The following RPN2 variants were observed in gnomAD, a reference collection of about 807,000 sequenced individuals.
RPN2 encodes the protein ribophorin II, also known as dolichyl-diphosphooligosaccharide--protein glycosyltransferase subunit 2.
RPN2 carries 29 observed loss-of-function variants against 71.4 expected under a neutral mutation model. The ratio of observed to expected loss-of-function variants is 0.41; its 90% CI spans 0.30 to 0.55. The LOEUF (loss-of-function observed/expected upper bound fraction) is 0.55. Ranked by LOEUF, RPN2 falls within the 20% of genes least tolerant of loss-of-function variation. RPN2 has a pLI of 0.35. For synonymous variants in RPN2, 308 were observed against 305.0 expected, an observed-to-expected ratio of 1.01 and a Z score of -0.10; for missense variants, 726 against 774.1, an observed-to-expected ratio of 0.94 and a Z score of 0.74.
chr20:37,232,290 C>G lies in RPN2; in HGVS notation c.1582-6C>G, dbSNP rs376939930. On this transcript the variant is annotated splice_polypyrimidine_tract_variant and splice_region_variant and intron_variant, in intron 13 of 16. Coordinates refer to ENST00000237530, the MANE Select transcript of RPN2 (RefSeq NM_002951.5). ...TCTTAAGTCTTCTTGGTGTGTCTTT[C>G]GGCAGCACCTGTTCCGCGAGCCTGA... 6.1e-5 allele frequency: 98 copies of G among 1,614,196 alleles called. 3 individuals are homozygous for G. In the East Asian group the frequency reaches 6.2e-4, roughly 10 times the overall value.
chr20:37,207,810 T>G (rs1012380369), intron 7 of RPN2, among the ~76,000 whole-genome samples: 3 of 152,104 alleles, frequency 2.0e-5, no homozygotes, highest in Admixed American at 1.3e-4. Context: ...GTCTCCCAAG[T>G]AGCTGGGATC....
chr20:37,212,528 T>C (rs2067699293), intron 8 of RPN2, among the ~76,000 whole-genome samples: 1 of 151,924 alleles, frequency 6.6e-6, no homozygotes, highest in Non-Finnish European at 1.5e-5. Context: ...TTGCCTGGGC[T>C]GGAATGCAGT....
At chr20:37,238,449 G>T in intron 16 of RPN2, 1 of 1,603,628 alleles carries the variant, frequency 6.2e-7, no homozygotes, top group East Asian at 2.2e-5. Context: ...AGGACACTAC[G>T]GTAAAGATGA....
At chr20:37,217,467 A>G (rs1340241450) in intron 9 of RPN2, among the ~76,000 whole-genome samples, 1 of 150,608 alleles carries the variant, frequency 6.6e-6, no homozygotes, top group Non-Finnish European at 1.5e-5. Flanking sequence ...TAATTTTTGT[A>G]TATTTAGTAG....
intron 2 of RPN2, among the ~76,000 whole-genome samples, chr20:37,195,960 G>A (rs2067247465): frequency 1.3e-5 from 2 of 152,076 alleles, no homozygotes; most frequent in South Asian, 4.1e-4. Context: ...GGAGTAGCAT[G>A]TACACACAGT....
intron 16 of RPN2, among the ~76,000 whole-genome samples, 180 bp from the exon 17 acceptor site, chr20:37,241,123 A>G (rs1379970998): frequency 6.6e-6 from 1 of 152,220 alleles, no homozygotes; most frequent in Non-Finnish European, 1.5e-5. Context: ...GCTGTCTCAC[A>G]TTCTTTTGTA....
intron 2 of RPN2, among the ~76,000 whole-genome samples, chr20:37,184,665 G>T (rs2066966613): frequency 6.6e-6 from 1 of 152,250 alleles, no homozygotes; most frequent in Non-Finnish European, 1.5e-5. Flanking sequence ...GGTGGTGCAT[G>T]CCTGTAATCC....
In RPN2 at chr20:37,213,737, A is replaced by G. The variant is rs370908668; in HGVS notation, c.987-23A>G. ...TGACTTTCCTACCTGAGTTCTTGCT[A>G]AGCCCATTGTCATTCTTAACAGGGA... On this transcript the variant is annotated intron_variant, in intron 8 of 16. Coordinates refer to ENST00000237530, the MANE Select transcript of RPN2 (RefSeq NM_002951.5). 5.1e-6 allele frequency: 8 copies of G among 1,559,398 alleles called. No individual in the cohort carries two copies. The African/African-American group carries it at 1.1e-4, about 21-fold the overall frequency.
At chr20:37,211,697 A>G (rs548293608) in intron 8 of RPN2, among the ~76,000 whole-genome samples, 17 of 151,678 alleles carry the variant, frequency 1.1e-4, no homozygotes, top group East Asian at 2.0e-4. Context: ...ATGTGCCACA[A>G]ACTTTTTTTT....
chr20:37,207,210 G>A, intron 6 of RPN2, 63 bp from the exon 7 acceptor site: 1 of 1,337,316 alleles, frequency 7.5e-7, no homozygotes, highest in Non-Finnish European at 1.1e-6. Flanking sequence ...TTCCTCTACA[G>A]CAGTGGCCCT....
chr20:37,203,992 C>T lies in RPN2; in HGVS notation c.555+32C>T, dbSNP rs993143679. 7 of 1,506,028 alleles carry T rather than the reference C, an allele frequency of 4.6e-6. No individual in the cohort carries two copies. The African/African-American group carries it at 9.6e-5, about 21-fold the overall frequency. The allele number at this position is 1,506,028 out of a possible 1,614,324, so 93.3% of individuals were successfully genotyped here. A position where few individuals can be genotyped will look rare whatever the true frequency, so the allele number is the denominator to read the frequency against. ...ATCTTTTGCCAAATGCATCTCCCAG[C>T]TCCTGTCTTTGACACTCTGCAGAAG... On this transcript the variant is annotated intron_variant, in intron 5 of 16. Transcript: ENST00000237530.
chr20:37,224,561 A>G (rs1236347043), intron 10 of RPN2, among the ~76,000 whole-genome samples: 4 of 152,194 alleles, frequency 2.6e-5, no homozygotes, highest in African/African-American at 7.2e-5. Flanking sequence ...CTCCCACTGA[A>G]CTCAGACACA....
At chr20:37,234,484 C>CT (rs1195990728) in intron 15 of RPN2, among the ~76,000 whole-genome samples, 1 of 152,224 alleles carries the variant, frequency 6.6e-6, no homozygotes, top group Non-Finnish European at 1.5e-5. Flanking sequence ...GCTGCCGGCT[C>CT]TGTCTGTGTA....
chr20:37,213,932 GTA>G, intron 9 of RPN2, 67 bp downstream of exon 9: 1 of 1,151,738 alleles, frequency 8.7e-7, no homozygotes, highest in Non-Finnish European at 1.3e-6. Flanking sequence ...AATTGACACA[GTA>G]TTAATTGTCT....
chr20:37,210,587 A>G (rs531471313), intron 8 of RPN2, among the ~76,000 whole-genome samples: 2 of 147,614 alleles, frequency 1.4e-5, no homozygotes, highest in South Asian at 2.1e-4. Context: ...CTGGAGTGCA[A>G]TGGTGCAATC....
chr20:37,219,207 G>A (rs1045405792), intron 9 of RPN2, among the ~76,000 whole-genome samples: 1 of 151,998 alleles, frequency 6.6e-6, no homozygotes. Context: ...TTTGATTTTC[G>A]CCATCGTAGT....
chr20:37,184,117 T>C (rs767254529), intron 1 of RPN2, 63 bp from the exon 2 acceptor site: 40 of 1,587,360 alleles, frequency 2.5e-5, no homozygotes, highest in South Asian at 8.9e-5. Flanking sequence ...TGCATCATCA[T>C]TGGGACTGTG....
intron 16 of RPN2, among the ~76,000 whole-genome samples, chr20:37,237,755 C>T (rs907516599): frequency 5.3e-5 from 8 of 152,172 alleles, no homozygotes; most frequent in African/African-American, 1.4e-4. Flanking sequence ...CCTGGTGGTT[C>T]TGCATTGTAC....
At chr20:37,235,772 T>A (rs1413123274) in intron 15 of RPN2, among the ~76,000 whole-genome samples, 1 of 152,112 alleles carries the variant, frequency 6.6e-6, no homozygotes, top group Non-Finnish European at 1.5e-5. Flanking sequence ...CACCTCAGCC[T>A]CCCAAGTAGC....
Sources: gnomAD v4.1 joint callset for allele counts (sites outside exome capture counted in the v4.1 genomes callset) on GRCh38, gnomAD v4.1.1 for gene constraint, MANE v1.5 for transcripts, NCBI Gene and HGNC (gene_info 2026-07-23, HGNC 2026-07-21) for gene names.